The following DSCAML1 variants were observed in gnomAD, a reference collection of about 807,000 sequenced individuals.
The protein encoded by DSCAML1 is cell adhesion molecule DSCAML1.
In DSCAML1, 38 loss-of-function variants were observed where a neutral mutation model predicts 200.5. The observed-to-expected ratio is 0.19, with a 90% confidence interval of 0.15 to 0.25. DSCAML1 has a LOEUF of 0.25. Among genes scored for constraint, DSCAML1 ranks in the 10% least tolerant of loss-of-function variants. The pLI is 1.00. For synonymous variants in DSCAML1, 1,215 were observed against 1,165.0 expected (o/e 1.04, Z -0.87); for missense variants, 2,223 against 2,858.8 (o/e 0.78, Z 5.07).
chr11:117,709,575 G>A (rs2053807141), intron 3 of DSCAML1, among the ~76,000 whole-genome samples: 1 of 152,102 alleles, frequency 6.6e-6, no homozygotes, highest in African/African-American at 2.4e-5. Context: ...CATAACGGCA[G>A]CCAAAAAGGA....
chr11:117,591,523 C>T (rs959564011), intron 3 of DSCAML1, among the ~76,000 whole-genome samples: 2 of 152,188 alleles, frequency 1.3e-5, no homozygotes, highest in South Asian at 2.1e-4. Context: ...GAGTGCTATG[C>T]GAGCCGCGAT....
At chr11:117,769,490 T>TTATATATATAA in intron 3 of DSCAML1, among the ~76,000 whole-genome samples, 1 of 85,904 alleles carries the variant, frequency 1.2e-5, no homozygotes, top group South Asian at 2.7e-4. Context: ...AATATATATT[T>TTATATATATAA]TATATATATA....
intron 1 of DSCAML1, among the ~76,000 whole-genome samples, chr11:117,785,284 G>T (rs1431158388): frequency 6.6e-6 from 1 of 152,184 alleles, no homozygotes; most frequent in Non-Finnish European, 1.5e-5. Context: ...ATTTAGCCAG[G>T]AGCCATGGGG....
chr11:117,434,283 C>T (rs937953224), intron 27 of DSCAML1, among the ~76,000 whole-genome samples: 2 of 152,060 alleles, frequency 1.3e-5, no homozygotes, highest in African/African-American at 4.8e-5. Context: ...ATTCATCATC[C>T]ACCTATTCAA....
intron 3 of DSCAML1, among the ~76,000 whole-genome samples, chr11:117,622,163 T>A (rs1333144544): frequency 6.6e-6 from 1 of 152,016 alleles, no homozygotes; most frequent in Non-Finnish European, 1.5e-5. Context: ...AATACCAGAT[T>A]TTTTTTCCCA....
At chr11:117,757,571 T>TACACACACACAC (rs1491093522) in intron 3 of DSCAML1, among the ~76,000 whole-genome samples, 8 of 83,530 alleles carry the variant, frequency 9.6e-5, no homozygotes, top group Non-Finnish European at 1.6e-4. Flanking sequence ...ATTAGGAGCC[T>TACACACACACAC]ATACACACAC....
At position 117,465,028 on chromosome 11, in the gene DSCAML1, G is replaced by A. The variant is rs1722097581; in HGVS notation, c.3179C>T (p.Ala1060Val). 1 of 1,614,004 alleles carries A rather than the reference G, an allele frequency of 6.2e-7. No homozygotes were observed. The highest frequency in any genetic ancestry group is 8.5e-7 in the Non-Finnish European group (1 of 1,179,990). ...GGCTTGGACCACCACCCCATACTGG[G>A]CGAACTTCTTGAGGTTGTCCAGGGT... Reference protein sequence around the residue: ...VYTLDNLKKFAQYGVVVQAFN... With the variant: ...VYTLDNLKKFVQYGVVVQAFN... Residue 1060 changes from alanine to valine, a missense_variant, in exon 17 of 33, where the codon GCC becomes GTC. Physicochemically the swap from Ala to Val is moderately conservative, Grantham distance 64. This residue lies in a region of DSCAML1 where 438 missense variants were observed against 629.7 expected (regional missense o/e 0.70). Transcript: ENST00000651296.
At chr11:117,674,117 C>T (rs191273412) in intron 3 of DSCAML1, among the ~76,000 whole-genome samples, 50 of 152,346 alleles carry the variant, frequency 3.3e-4, no homozygotes, top group African/African-American at 1.2e-3. Flanking sequence ...TCCAAAGCAA[C>T]TTACGTTGCC....
chr11:117,637,407 G>A (rs2052313209), intron 3 of DSCAML1, among the ~76,000 whole-genome samples: 1 of 150,030 alleles, frequency 6.7e-6, no homozygotes, highest in Admixed American at 6.6e-5. Flanking sequence ...GTGCAGTGGT[G>A]CAATCTCGGC....
At chr11:117,778,173 C>T (rs577420731) in intron 2 of DSCAML1, among the ~76,000 whole-genome samples, 4 of 152,316 alleles carry the variant, frequency 2.6e-5, no homozygotes, top group Admixed American at 2.0e-4. Flanking sequence ...CAAGCTGTGG[C>T]TGTGATGAGG....
At chr11:117,470,574 G>A (rs1365023035) in intron 15 of DSCAML1, among the ~76,000 whole-genome samples, 4 of 152,208 alleles carry the variant, frequency 2.6e-5, no homozygotes, top group Non-Finnish European at 5.9e-5. Context: ...AAACATTCTA[G>A]CATTTTTTGT....
chr11:117,618,114 CAG>C (rs1206722664), intron 3 of DSCAML1, among the ~76,000 whole-genome samples: 1 of 152,162 alleles, frequency 6.6e-6, no homozygotes, highest in East Asian at 1.9e-4. Context: ...ACATGAAATT[CAG>C]AGTTACTTGA....
At chr11:117,456,000 G>A (rs1263727031) in intron 19 of DSCAML1, among the ~76,000 whole-genome samples, 2 of 152,300 alleles carry the variant, frequency 1.3e-5, no homozygotes, top group African/African-American at 2.4e-5. Flanking sequence ...CGTGCTTGGG[G>A]TAAATCGGTC....
intron 11 of DSCAML1, among the ~76,000 whole-genome samples, chr11:117,502,239 C>T (rs1012100235): frequency 1.3e-5 from 2 of 152,152 alleles, no homozygotes; most frequent in African/African-American, 2.4e-5. Flanking sequence ...CTGTGTCCTC[C>T]GGCACCCGCG....
Position 117,516,445 on chromosome 11 carries a change from C to CT in DSCAML1, c.1783+21dup. 1 of 1,603,662 alleles carries CT rather than the reference C, an allele frequency of 6.2e-7. No homozygotes were observed. Among genetic ancestry groups the CT allele is most frequent in the South Asian group, 1.1e-5 (1 of 89,850 alleles). The stretch of plus-strand genomic sequence containing the variant: ...CTGGGTGGTCAGGCGGGCAGGGGCC[C>CT]TGGCTGGTGAGGGAGGCCTACCTTT... On this transcript the variant is annotated intron_variant, in intron 8 of 32. Coordinates refer to ENST00000651296, the MANE Select transcript of DSCAML1 (RefSeq NM_020693.4). The surrounding 1 kb of genome is among the most constrained non-coding windows in gnomAD (Gnocchi z 5.7).
At chr11:117,515,701 A>C (rs937453083) in intron 8 of DSCAML1, among the ~76,000 whole-genome samples, 2 of 143,148 alleles carry the variant, frequency 1.4e-5, no homozygotes, top group African/African-American at 5.3e-5. Context: ...GCTCACTGCA[A>C]CCTCTGCCTC....
intron 3 of DSCAML1, among the ~76,000 whole-genome samples, chr11:117,628,395 C>T (rs545184495): frequency 6.6e-6 from 1 of 152,236 alleles, no homozygotes; most frequent in Non-Finnish European, 1.5e-5. Context: ...CCACAGGCCA[C>T]TCTACCTTCC....
chr11:117,681,575 A>G (rs1270395339), intron 3 of DSCAML1, among the ~76,000 whole-genome samples: 1 of 152,166 alleles, frequency 6.6e-6, no homozygotes, highest in African/African-American at 2.4e-5. Context: ...CCAGGGCTTT[A>G]TTGAATTTCC....
intron 1 of DSCAML1, among the ~76,000 whole-genome samples, chr11:117,807,830 C>T (rs142007030): frequency 4.6e-5 from 7 of 152,228 alleles, no homozygotes; most frequent in African/African-American, 1.2e-4. Context: ...TGGCTTTCGT[C>T]GGAGTTAAAA....
Sources: gnomAD v4.1 joint callset for allele counts (sites outside exome capture counted in the v4.1 genomes callset) on GRCh38, gnomAD v4.1.1 for gene constraint, gnomAD v4.1.1 regional missense constraint, Gnocchi (gnomAD v3.1) non-coding constraint, MANE v1.5 for transcripts, NCBI Gene and HGNC (gene_info 2026-07-23, HGNC 2026-07-21) for gene names.